The following HABP4 variants were observed in gnomAD, a reference collection of about 807,000 sequenced individuals.
HABP4 encodes intracellular hyaluronan-binding protein 4.
Under a neutral mutation model 44.1 loss-of-function variants are expected in HABP4, and 32 were observed. That is an observed-to-expected ratio of 0.73 (90% CI 0.55 to 0.97). The LOEUF (loss-of-function observed/expected upper bound fraction) is 0.97. Among genes scored for constraint, HABP4 ranks in the 50% least tolerant of loss-of-function variants. The probability of loss-of-function intolerance (pLI) is 0.00; values close to 1 mark genes in which losing one functional copy is unlikely to be tolerated. For synonymous variants in HABP4, 216 were observed against 218.0 expected (o/e 0.99, Z 0.08); for missense variants, 503 against 561.9 (o/e 0.90, Z 1.06).
chr9:96,466,426 A>G (rs896291120), intron 4 of HABP4, among the ~76,000 whole-genome samples: 3 of 152,160 alleles, frequency 2.0e-5, no homozygotes, highest in African/African-American at 7.2e-5. Flanking sequence ...AATGGTGACA[A>G]GATCTCACTA....
chr9:96,459,616 T>C (rs1368491822), intron 2 of HABP4, among the ~76,000 whole-genome samples: 7 of 152,244 alleles, frequency 4.6e-5, no homozygotes, highest in Non-Finnish European at 1.0e-4. Context: ...TGAACAGTTA[T>C]ATGTCAAGGG....
chr9:96,452,008 A>T (rs1167058774), intron 1 of HABP4, among the ~76,000 whole-genome samples: 1 of 152,154 alleles, frequency 6.6e-6, no homozygotes, highest in Admixed American at 6.5e-5. Flanking sequence ...CGGGCGGATC[A>T]CGAGGTTAGG....
At position 96,486,035 on chromosome 9, in the gene HABP4, A is replaced by T. The variant is rs528771491; in HGVS notation, c.999+1402A>T. On this transcript the variant is annotated intron_variant, in intron 6 of 7. Coordinates refer to ENST00000375249, the MANE Select transcript of HABP4 (RefSeq NM_014282.4). ...TAGTGAAACCCTGTCTCTACTAAAA[A>T]TACAAAAACTAGCCGGGCGGTTGGC... Among the ~76,000 whole-genome samples the T allele has an allele frequency of 7.5e-4, 114 of 152,264 alleles. 2 individuals carry two copies. Among genetic ancestry groups the T allele is most frequent in the Non-Finnish European group, 1.4e-3 (94 of 68,022 alleles).
chr9:96,486,317 G>A (rs1832975967), intron 6 of HABP4, among the ~76,000 whole-genome samples: 1 of 152,292 alleles, frequency 6.6e-6, no homozygotes, highest in East Asian at 1.9e-4. Flanking sequence ...AGACATAGGC[G>A]GCCGGAGCTT....
At chr9:96,453,667 T>A (rs1173200278) in intron 1 of HABP4, among the ~76,000 whole-genome samples, 1 of 152,252 alleles carries the variant, frequency 6.6e-6, no homozygotes, top group Non-Finnish European at 1.5e-5. Flanking sequence ...GAAACAAAGG[T>A]CAATTTTATT....
At chr9:96,484,205 CA>C in intron 5 of HABP4, 1 of 326,950 alleles carries the variant, frequency 3.1e-6, no homozygotes, top group South Asian at 5.5e-5. Flanking sequence ...ATGTTAATGT[CA>C]TCAGGATGGT....
chr9:96,461,719 A>C (rs1464793036), intron 2 of HABP4, among the ~76,000 whole-genome samples: 1 of 152,160 alleles, frequency 6.6e-6, no homozygotes, highest in Non-Finnish European at 1.5e-5. Flanking sequence ...CTGAATTTAG[A>C]TAATCTTTCG....
chr9:96,469,128 G>A (rs987045889), intron 4 of HABP4, among the ~76,000 whole-genome samples: 20 of 152,014 alleles, frequency 1.3e-4, no homozygotes, highest in African/African-American at 3.6e-4. Flanking sequence ...GTTTGACAGC[G>A]GTAAAATAGA....
At position 96,475,736 on chromosome 9, in the gene HABP4, G is replaced by A. The variant is rs190211954; in HGVS notation, c.827+4642G>A. Reference sequence around the variant, plus strand: ...GTAAGAGCTGCCAGGATCTCTGAGCGTTTCCCTACTCAGGAATATGGAGCA... The same window carrying A: ...GTAAGAGCTGCCAGGATCTCTGAGCATTTCCCTACTCAGGAATATGGAGCA... On this transcript the variant is annotated intron_variant, in intron 5 of 7. Coordinates refer to ENST00000375249, the MANE Select transcript of HABP4 (RefSeq NM_014282.4). Among the ~76,000 whole-genome samples, 66 of 152,248 alleles carry A rather than the reference G, an allele frequency of 4.3e-4. 1 individual carries two copies. The highest frequency in any genetic ancestry group is 3.7e-3 in the Admixed American group (57 of 15,294).
rs749018687 is a variant in HABP4 at position 96,471,057 on chromosome 9, G to T, written c.790G>T (p.Glu264Ter). ...APMEEPTVVEESQGTPEEESP... is the reference protein window; with the variant it reads ...APMEEPTVVE ...GATGGAGGAACCCACAGTGGTGGAG[G>T]AGTCCCAGGGCACCCCGGAAGAGGA... The change falls in exon 5 of 8, where the codon GAG (glutamate) becomes TAG (stop). Residue 264 changes from glutamate to a stop codon, truncating the protein, a stop_gained. Transcript: ENST00000375249. LOFTEE classifies it high-confidence loss of function. 4.2e-5 allele frequency: 67 copies of T among 1,606,710 alleles called. No individual in the cohort carries two copies. In the East Asian group the frequency reaches 6.9e-4, roughly 17 times the overall value.
In HABP4 at chr9:96,450,197, G is replaced by A. The variant is rs1199144336; in HGVS notation, c.-83G>A. ...GCCCGGAGGGCGGTGGCGGCGGAGC[G>A]GGCGGCATGGGTCCTGGCCGCCGGC... On this transcript the variant is annotated 5_prime_UTR_variant, in exon 1 of 8. Coordinates refer to ENST00000375249, the MANE Select transcript of HABP4 (RefSeq NM_014282.4). This position sits in a 1 kb window ranked among gnomAD's most constrained non-coding sequence, Gnocchi z 4.8. 9.9e-6 allele frequency: 12 copies of A among 1,208,312 alleles called. No individual in the cohort carries two copies. The highest frequency in any genetic ancestry group is 7.2e-6 in the Non-Finnish European group (7 of 967,818). The allele number at this position is 1,208,312 out of a possible 1,614,324, so 74.8% of individuals were successfully genotyped here.
chr9:96,475,964 A>C (rs901542729), intron 5 of HABP4, among the ~76,000 whole-genome samples: 3 of 152,220 alleles, frequency 2.0e-5, no homozygotes, highest in Non-Finnish European at 4.4e-5. Flanking sequence ...TCTGGAACCT[A>C]CTTTCTTTGA....
At chr9:96,456,371 A>G (rs1316712807) in intron 1 of HABP4, among the ~76,000 whole-genome samples, 1 of 152,220 alleles carries the variant, frequency 6.6e-6, no homozygotes. Context: ...AAGTTTTGGT[A>G]GAAAATATTA....
In HABP4 at chr9:96,458,443, G is replaced by A. The variant is rs1438670312; in HGVS notation, c.414G>A (p.Gly138=). 6.2e-7 allele frequency: 1 copy of A among 1,613,706 alleles called. No individual in the cohort carries two copies. The highest frequency in any genetic ancestry group is 8.5e-7 in the Non-Finnish European group (1 of 1,179,720). Residue 138 remains glycine, a synonymous_variant, in exon 2 of 8, where the codon GGG becomes GGA. Coordinates refer to ENST00000375249, the MANE Select transcript of HABP4 (RefSeq NM_014282.4). ...QGWNDSRGPE[G]MLERAERRSY... ...GGAATGACAGCCGTGGGCCGGAGGG[G>A]ATGCTCGAAAGAGCTGAGCGGAGAT...
At chr9:96,470,976 T>G in intron 4 of HABP4, 35 bp from the exon 5 acceptor site, 1 of 1,206,158 alleles carries the variant, frequency 8.3e-7, no homozygotes, top group Non-Finnish European at 1.2e-6. Context: ...TATGAATGTA[T>G]TTGTGTGACT....
Position 96,490,901 on chromosome 9 carries a change from T to A in HABP4, c.*863T>A, listed in dbSNP as rs567769484. ...AAAGTTGTAAATAACTAGTATTTAT[T>A]AAGCACTTATAAGCAGTTTTTCTCA... is the stretch of plus-strand genomic sequence containing the variant. On this transcript the variant is annotated 3_prime_UTR_variant, in exon 8 of 8. Transcript: ENST00000375249. The A allele has an allele frequency of 1.3e-5, 2 of 152,372 alleles. No individual in the cohort carries two copies. The highest frequency in any genetic ancestry group is 1.3e-4 in the Admixed American group (2 of 15,308). The allele number at this position is 152,372 out of a possible 1,614,324, so 9.4% of individuals were successfully genotyped here.
intron 2 of HABP4, among the ~76,000 whole-genome samples, chr9:96,463,174 G>A (rs1832535374): frequency 1.3e-5 from 2 of 152,110 alleles, no homozygotes; most frequent in African/African-American, 4.8e-5. Context: ...TCGAACTCCT[G>A]GGCCCAAGCG....
At chr9:96,463,429 A>G (rs1832541707) in intron 2 of HABP4, among the ~76,000 whole-genome samples, 1 of 151,624 alleles carries the variant, frequency 6.6e-6, no homozygotes, top group Non-Finnish European at 1.5e-5. Context: ...TAATTTTTGT[A>G]TTTTTAGTAG....
intron 5 of HABP4, among the ~76,000 whole-genome samples, chr9:96,476,192 A>G (rs748106881): frequency 1.3e-5 from 2 of 152,106 alleles, no homozygotes; most frequent in Non-Finnish European, 2.9e-5. Flanking sequence ...TGCCTCTTCT[A>G]TTTATTTGCT....
Sources: allele counts gnomAD v4.1 joint callset (sites outside exome capture counted in the v4.1 genomes callset), GRCh38; gene constraint gnomAD v4.1.1; non-coding constraint Gnocchi (gnomAD v3.1); transcripts MANE v1.5; gene names NCBI Gene and HGNC (gene_info 2026-07-23, HGNC 2026-07-21).